The following CD163L1 variants were observed in gnomAD, a reference collection of about 807,000 sequenced individuals.
CD163L1 encodes scavenger receptor cysteine-rich type 1 protein M160.
In CD163L1, 124 loss-of-function variants were observed where a neutral mutation model predicts 165.4. That is an observed-to-expected ratio of 0.75 (90% CI 0.65 to 0.87). The LOEUF (loss-of-function observed/expected upper bound fraction) is 0.87. Among genes scored for constraint, CD163L1 ranks in the 40% least tolerant of loss-of-function variants. The pLI is 0.00. For missense variants in CD163L1, 1,525 were observed against 1,799.9 expected (o/e 0.85, Z 2.76); for synonymous variants, 585 against 662.2 (o/e 0.88, Z 1.79).
At position 7,369,536 on chromosome 12, in the gene CD163L1, A is replaced by C. The variant is rs763362164; in HGVS notation, c.3860T>G (p.Leu1287Arg). ...GGCAGCCAGAGCAGAGCCACAGCCCAGCTGCTGACACACCACTTCCGCCTC... is the reference window on the plus strand; with the variant it reads ...GGCAGCCAGAGCAGAGCCACAGCCCCGCTGCTGACACACCACTTCCGCCTC... Reference protein sequence around the residue: ...LAEAEVVCQQLGCGSALAALR... With the variant: ...LAEAEVVCQQRGCGSALAALR... The change falls in exon 15 of 20, where the codon CTG (leucine) becomes CGG (arginine). Residue 1287 changes from leucine to arginine, a missense_variant. Physicochemically the swap from Leu to Arg is moderately radical, Grantham distance 102. Transcript: ENST00000313599. The surrounding 1 kb of genome is among the most constrained non-coding windows in gnomAD (Gnocchi z 4.9). The C allele has an allele frequency of 8.4e-5, 136 of 1,614,186 alleles. No homozygotes were observed. The highest frequency in any genetic ancestry group is 4.4e-4 in the South Asian group (40 of 91,074).
intron 18 of CD163L1, among the ~76,000 whole-genome samples, chr12:7,365,201 A>G (rs1946987506): frequency 6.6e-6 from 1 of 152,154 alleles, no homozygotes; most frequent in Non-Finnish European, 1.5e-5. Flanking sequence ...GCACTGGGAA[A>G]ACTGGATAAC....
the CD163L1 span, chr12:7,322,515 T>C: frequency 1.2e-6 from 2 of 1,613,830 alleles, no homozygotes; most frequent in Non-Finnish European, 1.7e-6. Flanking sequence ...GCTGGAGCTA[T>C]ATGAGGGCTA....
chr12:7,323,658 A>G, the CD163L1 span: 1 of 1,043,404 alleles, frequency 9.6e-7, no homozygotes, highest in African/African-American at 1.6e-5. Flanking sequence ...AAGCAACAAA[A>G]TCTTTCACAA....
intron 19 of CD163L1, among the ~76,000 whole-genome samples, chr12:7,356,694 C>T (rs1264710715): frequency 6.6e-6 from 1 of 152,098 alleles, no homozygotes; most frequent in Non-Finnish European, 1.5e-5. Flanking sequence ...TTCAATTTTT[C>T]TCTCCATCAT....
downstream of CD163L1, among the ~76,000 whole-genome samples, chr12:7,354,313 C>T (rs982326410): frequency 6.6e-6 from 1 of 151,650 alleles, no homozygotes; most frequent in African/African-American, 2.4e-5. Flanking sequence ...TGTTATAATT[C>T]CTATAGGAAC....
the CD163L1 span, among the ~76,000 whole-genome samples, chr12:7,337,490 C>A: frequency 6.6e-6 from 1 of 152,022 alleles, no homozygotes; most frequent in Non-Finnish European, 1.5e-5. Context: ...ACAAACAATC[C>A]CATCAAAAAG....
intron 8 of CD163L1, among the ~76,000 whole-genome samples, chr12:7,382,645 C>T (rs1947435532): frequency 6.6e-6 from 1 of 152,180 alleles, no homozygotes; most frequent in Admixed American, 6.5e-5. Context: ...GTACAGGGAG[C>T]TGCCTAGAGT....
At chr12:7,425,290 A>C (rs1948522259) in intron 4 of CD163L1, among the ~76,000 whole-genome samples, 1 of 152,158 alleles carries the variant, frequency 6.6e-6, no homozygotes, top group Admixed American at 6.6e-5. Flanking sequence ...TATGCAGAAA[A>C]CTGAAACTGG....
intron 2 of CD163L1, among the ~76,000 whole-genome samples, chr12:7,435,899 TGAA>T (rs1948707136): frequency 1.3e-5 from 2 of 152,098 alleles, no homozygotes; most frequent in Non-Finnish European, 1.5e-5. Context: ...ACAGCAGAGA[TGAA>T]GCTTAGAAAT....
rs181620212 is a variant in CD163L1, at chr12:7,398,724, G to T, written c.1409-140C>A. 20 of 683,538 alleles carry T rather than the reference G, an allele frequency of 2.9e-5. No homozygotes were observed. The East Asian group carries it at 6.4e-4, about 22-fold the overall frequency. 42.3% of individuals were successfully genotyped at this position (683,538 alleles called of 1,614,324 possible). On this transcript the variant is annotated intron_variant, in intron 6 of 19. Transcript: ENST00000313599. This position sits in a 1 kb window ranked among gnomAD's most constrained non-coding sequence, Gnocchi z 4.5. ...GGCACACTTTTGAATGAAAAGTTTG[G>T]TTTTCTTTCTTTTGACAATTTTTTA...
At chr12:7,439,741 T>C (rs745549561) in intron 2 of CD163L1, 20 of 1,611,668 alleles carry the variant, frequency 1.2e-5, no homozygotes, top group South Asian at 7.7e-5. Context: ...ATCCGATGTA[T>C]AGCCTTTCCA....
chr12:7,347,912 G>C lies in CD163L1; in HGVS notation c.*25-765C>G, dbSNP rs1946681204. ...ACTGGTTGCATTGAACTATTATTGA[G>C]TTTCCACATGAGCTTCACATGTCAT... is the stretch of plus-strand genomic sequence containing the variant. On this transcript the variant is annotated intron_variant, in intron 4 of 4. Transcript: ENST00000539726. The surrounding 1 kb of genome is among the most constrained non-coding windows in gnomAD (Gnocchi z 4.2). Among the ~76,000 whole-genome samples the C allele has an allele frequency of 6.6e-6, 1 of 152,140 alleles. No homozygotes were observed. Among genetic ancestry groups the C allele is most frequent in the African/African-American group, 2.4e-5 (1 of 41,412 alleles).
chr12:7,421,295 A>G (rs1321502752), intron 4 of CD163L1, among the ~76,000 whole-genome samples: 9 of 111,256 alleles, frequency 8.1e-5, no homozygotes, highest in East Asian at 3.0e-4. Flanking sequence ...ATATGTGTGT[A>G]TATATGTATA....
In CD163L1 at chr12:7,370,296, T is replaced by A. The variant is rs907543960; in HGVS notation, c.3731-631A>T. ...AATACTGAGTTTCACTGCAGATAAT[T>A]ATAACCGGGGTCATTTTAAACTTGC... On this transcript the variant is annotated intron_variant, in intron 14 of 19. Coordinates refer to ENST00000313599, the MANE Select transcript of CD163L1 (RefSeq NM_174941.6). 2.0e-5 allele frequency among the ~76,000 whole-genome samples: 3 copies of A among 152,228 alleles called. No individual in the cohort carries two copies. In the South Asian group the frequency reaches 6.2e-4, roughly 31 times the overall value.
chr12:7,323,963 G>A, the CD163L1 span, among the ~76,000 whole-genome samples: 1 of 152,054 alleles, frequency 6.6e-6, no homozygotes, highest in Non-Finnish European at 1.5e-5. Flanking sequence ...GGTGGCTTGA[G>A]CCCAAGAGTT....
chr12:7,360,100 T>G (rs1301669199), intron 18 of CD163L1, among the ~76,000 whole-genome samples: 1 of 152,126 alleles, frequency 6.6e-6, no homozygotes. Context: ...TCCTGCACCA[T>G]GTCTAACTTC....
At chr12:7,420,817 A>G (rs996566768) in intron 4 of CD163L1, among the ~76,000 whole-genome samples, 5 of 151,814 alleles carry the variant, frequency 3.3e-5, no homozygotes, top group East Asian at 3.9e-4. Context: ...AAGTAAAACT[A>G]TCATTAGACC....
At position 7,374,788 on chromosome 12, in the gene CD163L1, A is replaced by G. The variant is rs1947227969; in HGVS notation, c.3095-32T>C. On this transcript the variant is annotated intron_variant, in intron 12 of 19. Coordinates refer to ENST00000313599, the MANE Select transcript of CD163L1 (RefSeq NM_174941.6). This position sits in a 1 kb window ranked among gnomAD's most constrained non-coding sequence, Gnocchi z 5.4. ...GGAGAAAGTCCAGTTAATAGGTCAC[A>G]TTCTTTAGAGTTGCAGTGTTTCCTA... The G allele has an allele frequency of 3.7e-6, 6 of 1,614,006 alleles. No individual in the cohort carries two copies. Among genetic ancestry groups the G allele is most frequent in the Non-Finnish European group, 5.1e-6 (6 of 1,179,990 alleles).
At chr12:7,381,748 C>A (rs1377128168) in intron 8 of CD163L1, among the ~76,000 whole-genome samples, 1 of 151,850 alleles carries the variant, frequency 6.6e-6, no homozygotes, top group Non-Finnish European at 1.5e-5. Flanking sequence ...GAATCTCTAT[C>A]AAAATTGAGA....
Sources: gnomAD v4.1 joint callset for allele counts (sites outside exome capture counted in the v4.1 genomes callset) on GRCh38, gnomAD v4.1.1 for gene constraint, Gnocchi (gnomAD v3.1) non-coding constraint, MANE v1.5 for transcripts, NCBI Gene and HGNC (gene_info 2026-07-23, HGNC 2026-07-21) for gene names.